CALB2: variants seen among roughly 807,000 people sequenced by gnomAD.
CALB2 encodes the protein calbindin 2, also known as calretinin.
In CALB2, 34 loss-of-function variants were observed where a neutral mutation model predicts 45.9. That is an observed-to-expected ratio of 0.74 (90% CI 0.56 to 0.99). The LOEUF (loss-of-function observed/expected upper bound fraction) is 0.99. CALB2 is among the 50% of genes least tolerant of loss of function. The pLI is 0.00. For synonymous variants in CALB2, 142 were observed against 129.6 expected (o/e 1.10, Z -0.65); for missense variants, 344 against 339.3 (o/e 1.01, Z -0.11).
At chr16:71,376,070 G>C (rs989839292) in intron 3 of CALB2, among the ~76,000 whole-genome samples, 1 of 152,210 alleles carries the variant, frequency 6.6e-6, no homozygotes, top group African/African-American at 2.4e-5. Context: ...AGATGCCCAT[G>C]CTGATTCAAA....
At position 71,388,820 on chromosome 16, in the gene CALB2, A is replaced by T. The variant is rs572467689; in HGVS notation, c.700-929A>T. Among the ~76,000 whole-genome samples, 108 of 86,998 alleles carry T rather than the reference A, an allele frequency of 1.2e-3. No individual in the cohort carries two copies. In the Middle Eastern group the frequency reaches 0.062, roughly 50 times the overall value. 57.1% of individuals were successfully genotyped at this position (86,998 alleles called of 152,430 possible). Reference sequence around the variant, plus strand: ...ACATGGTGAAACCCCCGTCTCTACTAAAAAAAAAAAAAAAGTGCAAACATT... The same window carrying T: ...ACATGGTGAAACCCCCGTCTCTACTTAAAAAAAAAAAAAAGTGCAAACATT... On this transcript the variant is annotated intron_variant, in intron 10 of 10. Transcript: ENST00000302628.
At chr16:71,373,278 T>C (rs2042373464) in intron 2 of CALB2, among the ~76,000 whole-genome samples, 1 of 152,108 alleles carries the variant, frequency 6.6e-6, no homozygotes, top group African/African-American at 2.4e-5. Context: ...ATTTGGGAGA[T>C]GAGTCACAAA....
rs751517775 is a variant in CALB2 at position 71,382,815 on chromosome 16, G to A, written c.399+40G>A. 59 of 1,574,684 alleles carry A rather than the reference G, an allele frequency of 3.7e-5. No homozygotes were observed. The Middle Eastern group carries it at 5.1e-4, about 14-fold the overall frequency. On this transcript the variant is annotated intron_variant, in intron 5 of 10. Transcript: ENST00000302628. ...GGGGAGGGTGTGAGGCCAGAGTGGC[G>A]GTGGGCTTAAGGTGCCTGAGGAGGG...
intron 1 of CALB2, among the ~76,000 whole-genome samples, chr16:71,369,510 G>A (rs763733735): frequency 6.6e-6 from 1 of 152,162 alleles, no homozygotes; most frequent in Non-Finnish European, 1.5e-5. Context: ...AGTGGAGGCG[G>A]CTCTTGGAAA....
At chr16:71,385,099 G>C (rs990052180) in intron 9 of CALB2, among the ~76,000 whole-genome samples, 1 of 152,172 alleles carries the variant, frequency 6.6e-6, no homozygotes, top group African/African-American at 2.4e-5. Context: ...TGACCACGCT[G>C]TCGGGAGCCA....
intron 2 of CALB2, among the ~76,000 whole-genome samples, chr16:71,372,501 TAATA>T (rs1218676069): frequency 1.3e-5 from 2 of 152,176 alleles, no homozygotes; most frequent in African/African-American, 4.8e-5. Context: ...ATGCGTATAT[TAATA>T]TATATGTAGT....
At position 71,372,488 on chromosome 16, in the gene CALB2, C is replaced by T. The variant is rs375999570; in HGVS notation, c.171+259C>T. Among the ~76,000 whole-genome samples the T allele has an allele frequency of 2.6e-4, 39 of 152,202 alleles. 1 individual carries two copies. In the South Asian group the frequency reaches 4.6e-3, roughly 18 times the overall value. The stretch of plus-strand genomic sequence containing the variant: ...CTGCAAAGCTGCAAAGCTTTGTCTG[C>T]GTATGCGTATATTAATATATATGTA... On this transcript the variant is annotated intron_variant, in intron 2 of 10. Transcript: ENST00000302628.
At position 71,386,779 on chromosome 16, in the gene CALB2, G is replaced by A. The variant is rs530343616; in HGVS notation, c.699+1131G>A. Among the ~76,000 whole-genome samples, 5 of 152,260 alleles carry A rather than the reference G, an allele frequency of 3.3e-5. No homozygotes were observed. The South Asian group carries it at 1.0e-3, about 32-fold the overall frequency. On this transcript the variant is annotated intron_variant, in intron 10 of 10. Coordinates refer to ENST00000302628, the MANE Select transcript of CALB2 (RefSeq NM_001740.5). ...GAGCTAAATTTAATGCTCAATTTCA[G>A]GAAAAAATTATCTGCAGTCTCTATT...
chr16:71,359,901 G>A (rs2042221113), intron 1 of CALB2, among the ~76,000 whole-genome samples: 1 of 152,244 alleles, frequency 6.6e-6, no homozygotes, highest in Admixed American at 6.5e-5. Flanking sequence ...CTCCCCTCGG[G>A]TAGCTAATGG....
intron 3 of CALB2, among the ~76,000 whole-genome samples, chr16:71,375,939 G>A (rs1259263694): frequency 6.6e-6 from 1 of 152,236 alleles, no homozygotes; most frequent in East Asian, 1.9e-4. Flanking sequence ...TGGTCTGGCT[G>A]AGGGCAGTTC....
chr16:71,364,969 G>A (rs969399975), intron 1 of CALB2, among the ~76,000 whole-genome samples: 5 of 152,190 alleles, frequency 3.3e-5, no homozygotes, highest in African/African-American at 1.2e-4. Context: ...TCTAAGATGG[G>A]GTTGATAACT....
At chr16:71,378,320 C>T (rs927536171) in intron 4 of CALB2, among the ~76,000 whole-genome samples, 3 of 151,906 alleles carry the variant, frequency 2.0e-5, no homozygotes, top group African/African-American at 4.8e-5. Flanking sequence ...CAAGACCAGC[C>T]TGGGCAACAT....
At chr16:71,379,204 C>T (rs1015929891) in intron 4 of CALB2, among the ~76,000 whole-genome samples, 3 of 151,812 alleles carry the variant, frequency 2.0e-5, no homozygotes, top group Admixed American at 1.3e-4. Flanking sequence ...TTGAACCAGG[C>T]AGGCAGAGGT....
intron 4 of CALB2, among the ~76,000 whole-genome samples, chr16:71,380,832 C>A (rs2042482661): frequency 6.6e-6 from 1 of 152,210 alleles, no homozygotes; most frequent in African/African-American, 2.4e-5. Flanking sequence ...CATCCCAGCA[C>A]TCAGCACAAC....
chr16:71,389,872 GAC>G lies in CALB2; in HGVS notation c.*8_*9del. Reference sequence around the variant, plus strand: ...CAGCGAGCCCCCCATGTAAAGTGGGGACGGGGGCTGCTTCTCCACCTCCCCCA... The same window carrying G: ...CAGCGAGCCCCCCATGTAAAGTGGGGGGGGGCTGCTTCTCCACCTCCCCCA... On this transcript the variant is annotated 3_prime_UTR_variant, in exon 11 of 11. Coordinates refer to ENST00000302628, the MANE Select transcript of CALB2 (RefSeq NM_001740.5). 1 of 1,597,862 alleles carries G rather than the reference GAC, an allele frequency of 6.3e-7. No homozygotes were observed. Among genetic ancestry groups the G allele is most frequent in the Non-Finnish European group, 8.6e-7 (1 of 1,166,530 alleles).
At chr16:71,364,528 G>A (rs1598158944) in intron 1 of CALB2, among the ~76,000 whole-genome samples, 1 of 152,180 alleles carries the variant, frequency 6.6e-6, no homozygotes, top group Non-Finnish European at 1.5e-5. Context: ...TTGCCAAGCC[G>A]GCCCATCTGG....
intron 10 of CALB2, among the ~76,000 whole-genome samples, chr16:71,385,891 TCAC>T (rs966767464): frequency 6.6e-6 from 1 of 152,228 alleles, no homozygotes; most frequent in Non-Finnish European, 1.5e-5. Flanking sequence ...CTTACCATCT[TCAC>T]ATTTTTAGTG....
chr16:71,383,295 G>A, intron 5 of CALB2, 72 bp from the exon 6 acceptor site: 2 of 1,337,552 alleles, frequency 1.5e-6, no homozygotes, highest in South Asian at 1.2e-5. Context: ...CTGTCTGAAT[G>A]AGCAAGTAAG....
chr16:71,374,955 C>T (rs2042393950), intron 3 of CALB2, 121 bp downstream of exon 3: 1 of 644,440 alleles, frequency 1.6e-6, no homozygotes, highest in South Asian at 1.8e-5. Context: ...GCTCCTGCAC[C>T]CCCAGCACTT....
Sources: allele counts gnomAD v4.1 joint callset (sites outside exome capture counted in the v4.1 genomes callset), GRCh38; gene constraint gnomAD v4.1.1; transcripts MANE v1.5; gene names NCBI Gene and HGNC (gene_info 2026-07-23, HGNC 2026-07-21).